Variants in ZNF385D observed in about 807,000 individuals in gnomAD.
The protein encoded by ZNF385D is zinc finger protein 385D.
In ZNF385D, 15 loss-of-function variants were observed where a neutral mutation model predicts 35.8. The observed-to-expected ratio is 0.42, with a 90% CI of 0.28 to 0.64. The LOEUF (loss-of-function observed/expected upper bound fraction) is 0.64, where lower values mean the gene tolerates loss of function less well. Ranked by LOEUF, ZNF385D falls within the 30% of genes least tolerant of loss-of-function variation. ZNF385D has a pLI of 0.23. For synonymous variants in ZNF385D, 212 were observed against 186.8 expected, an observed-to-expected ratio of 1.13 and a Z score of -1.10; for missense variants, 474 against 494.6, an observed-to-expected ratio of 0.96 and a Z score of 0.39.
intron 1 of ZNF385D, among the ~76,000 whole-genome samples, chr3:21,726,808 T>C (rs1381901131): frequency 3.9e-5 from 6 of 152,130 alleles, no homozygotes; most frequent in Non-Finnish European, 5.9e-5. Context: ...CTTCATAGAA[T>C]AGGAGAAAAC....
At chr3:21,537,540 G>A (rs1559382741) in intron 3 of ZNF385D, among the ~76,000 whole-genome samples, 1 of 152,052 alleles carries the variant, frequency 6.6e-6, no homozygotes, top group African/African-American at 2.4e-5. Context: ...AAAGCAGGCA[G>A]CTAGCTCATG....
chr3:22,199,737 T>A (rs1696657084), intron 2 of ZNF385D, among the ~76,000 whole-genome samples: 1 of 152,050 alleles, frequency 6.6e-6, no homozygotes, highest in African/African-American at 2.4e-5. Flanking sequence ...AAGGGCTAAA[T>A]CTAAATGAGG....
At chr3:22,184,508 G>T (rs1298713481) in intron 2 of ZNF385D, among the ~76,000 whole-genome samples, 2 of 152,056 alleles carry the variant, frequency 1.3e-5, no homozygotes, top group Non-Finnish European at 2.9e-5. Flanking sequence ...AGAAACAAAA[G>T]ACTTGATGGT....
chr3:21,825,045 A>G (rs942556671), intron 3 of ZNF385D, among the ~76,000 whole-genome samples: 1 of 152,226 alleles, frequency 6.6e-6, no homozygotes, highest in Admixed American at 6.5e-5. Context: ...ATATTGATCC[A>G]GTTGTGTAAG....
intron 1 of ZNF385D, among the ~76,000 whole-genome samples, chr3:21,701,289 G>T (rs1575489034): frequency 2.0e-5 from 1 of 50,016 alleles, no homozygotes; most frequent in South Asian, 1.2e-3. Flanking sequence ...CTTACATGTT[G>T]GTGGCAAGAG....
At chr3:22,147,054 C>G (rs1249756764) in intron 3 of ZNF385D, among the ~76,000 whole-genome samples, 1 of 152,132 alleles carries the variant, frequency 6.6e-6, no homozygotes, top group South Asian at 2.1e-4. Flanking sequence ...TTAGAGTTAC[C>G]CAATTAAAGG....
intron 2 of ZNF385D, among the ~76,000 whole-genome samples, chr3:22,289,325 G>A (rs1702177974): frequency 6.6e-6 from 1 of 152,158 alleles, no homozygotes; most frequent in Non-Finnish European, 1.5e-5. Flanking sequence ...CGTGCAAGCT[G>A]TTCCATACAC....
chr3:21,919,706 G>T (rs760518102), intron 3 of ZNF385D, among the ~76,000 whole-genome samples: 5 of 152,130 alleles, frequency 3.3e-5, no homozygotes, highest in Non-Finnish European at 5.9e-5. Flanking sequence ...TCTTTTCACA[G>T]TTGCTCATAC....
At chr3:21,492,546 G>T (rs1705511783) in intron 4 of ZNF385D, among the ~76,000 whole-genome samples, 1 of 151,506 alleles carries the variant, frequency 6.6e-6, no homozygotes, top group Non-Finnish European at 1.5e-5. Flanking sequence ...ACTTTGGGAG[G>T]CCAAGAAAGG....
chr3:21,867,386 C>T (rs1697426729), intron 3 of ZNF385D, among the ~76,000 whole-genome samples: 1 of 152,100 alleles, frequency 6.6e-6, no homozygotes, highest in Non-Finnish European at 1.5e-5. Flanking sequence ...ACTCAGGCCT[C>T]ACCTCTCCAG....
chr3:21,615,872 A>G (rs1000207539), intron 2 of ZNF385D, among the ~76,000 whole-genome samples: 2 of 151,646 alleles, frequency 1.3e-5, no homozygotes, highest in African/African-American at 4.9e-5. Context: ...GAACGAGGGG[A>G]AAAGGCATAC....
chr3:21,548,491 C>A (rs1647285540), intron 3 of ZNF385D, among the ~76,000 whole-genome samples: 1 of 152,216 alleles, frequency 6.6e-6, no homozygotes, highest in Non-Finnish European at 1.5e-5. Context: ...TCCTCATATT[C>A]TGTGCTTCCA....
At chr3:21,996,883 G>T (rs1382356601) in intron 3 of ZNF385D, among the ~76,000 whole-genome samples, 1 of 152,134 alleles carries the variant, frequency 6.6e-6, no homozygotes, top group Non-Finnish European at 1.5e-5. Context: ...CTCTGCCCGA[G>T]TGATTAAGCA....
At chr3:21,584,220 C>G (rs1396899044) in intron 2 of ZNF385D, among the ~76,000 whole-genome samples, 1 of 152,074 alleles carries the variant, frequency 6.6e-6, no homozygotes, top group Non-Finnish European at 1.5e-5. Context: ...CTCAAGTGAT[C>G]CGCCCACCTT....
chr3:22,360,044 C>A (rs571786569), intron 2 of ZNF385D, among the ~76,000 whole-genome samples: 2 of 151,896 alleles, frequency 1.3e-5, no homozygotes, highest in South Asian at 2.1e-4. Flanking sequence ...CTGGGATTAC[C>A]GTGATTATTA....
intron 2 of ZNF385D, among the ~76,000 whole-genome samples, chr3:21,569,517 A>G (rs901153590): frequency 3.4e-4 from 51 of 149,830 alleles, no homozygotes; most frequent in Middle Eastern, 3.4e-3. Context: ...TCTTTATCCA[A>G]TTTGCCAGTC....
chr3:21,573,139 TAAAC>T lies in ZNF385D; in HGVS notation c.166-8459_166-8456del, dbSNP rs368100817. On this transcript the variant is annotated intron_variant, in intron 2 of 7. Transcript: ENST00000281523. ...CAGCAAAAGGAAAAATAAATATGTTTAAACAAACAAAAAGGTGAAAAGGAAATGT... is the reference window on the plus strand; with the variant it reads ...CAGCAAAAGGAAAAATAAATATGTTTAAACAAAAAGGTGAAAAGGAAATGT... 2.5e-3 allele frequency among the ~76,000 whole-genome samples: 387 copies of T among 152,244 alleles called. 2 individuals are homozygous for T. Among genetic ancestry groups the T allele is most frequent in the African/African-American group, 9.0e-3 (375 of 41,570 alleles).
chr3:22,357,954 A>G (rs1399238741), intron 2 of ZNF385D, among the ~76,000 whole-genome samples: 1 of 151,910 alleles, frequency 6.6e-6, no homozygotes, highest in African/African-American at 2.4e-5. Flanking sequence ...CAAGCATTCG[A>G]TATGCTATAT....
intron 3 of ZNF385D, among the ~76,000 whole-genome samples, chr3:22,097,046 G>A (rs1415148755): frequency 6.6e-6 from 1 of 152,066 alleles, no homozygotes; most frequent in Non-Finnish European, 1.5e-5. Flanking sequence ...AGGATCTCTA[G>A]GAGAAAGTGA....
Sources: gnomAD v4.1 joint callset for allele counts (sites outside exome capture counted in the v4.1 genomes callset) on GRCh38, gnomAD v4.1.1 for gene constraint, MANE v1.5 for transcripts, NCBI Gene and HGNC (gene_info 2026-07-23, HGNC 2026-07-21) for gene names.